Variants in LYRM9 observed in about 807,000 individuals in gnomAD.
LYRM9 encodes the protein LYR motif-containing protein 9.
Under a neutral mutation model 12.6 loss-of-function variants are expected in LYRM9, and 14 were observed. The observed-to-expected ratio is 1.11, with a 90% confidence interval of 0.73 to 1.73. LYRM9 has a LOEUF of 1.73. Among genes scored for constraint, LYRM9 ranks in the 40% most tolerant of loss-of-function variants. The pLI is 0.00. For missense variants in LYRM9, 94 were observed against 95.0 expected, an observed-to-expected ratio of 0.99 and a Z score of 0.04; for synonymous variants, 42 against 35.1, an observed-to-expected ratio of 1.20 and a Z score of -0.69.
At chr17:27,883,923 A>G (rs530133275) in intron 1 of LYRM9, among the ~76,000 whole-genome samples, 3 of 149,040 alleles carry the variant, frequency 2.0e-5, no homozygotes, top group South Asian at 2.2e-4. Flanking sequence ...CTTAAAGTAT[A>G]TAATTTGATA....
At chr17:27,885,931 G>A (rs12950716) in intron 1 of LYRM9, among the ~76,000 whole-genome samples, 14,206 of 151,926 alleles carry the variant, frequency 0.094, 890 homozygotes, top group Non-Finnish European at 0.15. Flanking sequence ...AGGCAGAGTC[G>A]GACAGGACAG....
At chr17:27,892,281 T>G in intron 1 of LYRM9, 2 of 390,682 alleles carry the variant, frequency 5.1e-6, no homozygotes, top group Non-Finnish European at 9.9e-6. Flanking sequence ...CCTTGCTGAC[T>G]GTAAGCTTCT....
At chr17:27,887,713 G>GGTGTGTGTGTGTGT (rs59760752) in intron 1 of LYRM9, among the ~76,000 whole-genome samples, 2 of 86,730 alleles carry the variant, frequency 2.3e-5, no homozygotes, top group Non-Finnish European at 6.4e-5. Flanking sequence ...TAGGAGGGAG[G>GGTGTGTGTGTGTGT]GTGTGTGTGT....
At chr17:27,889,046 C>T (rs992508702) in intron 1 of LYRM9, among the ~76,000 whole-genome samples, 3 of 152,142 alleles carry the variant, frequency 2.0e-5, no homozygotes, top group Non-Finnish European at 2.9e-5. Context: ...GAGGTGCTGT[C>T]GCCTCTCAAA....
chr17:27,882,631 G>A lies in LYRM9; in HGVS notation c.64C>T (p.Arg22Cys), dbSNP rs368485664. ...TTGGTCGGCAGCTGCTGGCAACAGC[G>A]CAGCAAGTATCGGTAGAGCTGCAGT... is the stretch of plus-strand genomic sequence containing the variant. ...RPLQLYRYLL[R>C]CCQQLPTKGI... The change falls in exon 2 of 4, where the codon CGC (arginine) becomes TGC (cysteine). Residue 22 changes from arginine to cysteine, a missense_variant. Coordinates refer to ENST00000379102, the MANE Select transcript of LYRM9 (RefSeq NM_001076680.3). 121 of 1,600,760 alleles carry A rather than the reference G, an allele frequency of 7.6e-5. No homozygotes were observed. Among genetic ancestry groups the A allele is most frequent in the South Asian group, 1.0e-4 (9 of 88,426 alleles).
At chr17:27,881,363 T>A (rs1307584592) in intron 2 of LYRM9, 1 of 148,084 alleles carries the variant, frequency 6.8e-6, no homozygotes, top group African/African-American at 2.5e-5. Flanking sequence ...TGGCATGCCC[T>A]CCTTGACTCC....
At chr17:27,885,367 G>A (rs1905199105) in intron 1 of LYRM9, among the ~76,000 whole-genome samples, 1 of 152,072 alleles carries the variant, frequency 6.6e-6, no homozygotes, top group South Asian at 2.1e-4. Context: ...TGAGACCATA[G>A]CCACATAGCA....
chr17:27,890,779 C>T lies in LYRM9; in HGVS notation c.-19+2538G>A, dbSNP rs183815438. Among the ~76,000 whole-genome samples, 60 of 152,302 alleles carry T rather than the reference C, an allele frequency of 3.9e-4. 1 individual carries two copies. The highest frequency in any genetic ancestry group is 5.4e-4 in the Non-Finnish European group (37 of 68,028). On this transcript the variant is annotated intron_variant, in intron 1 of 3. Transcript: ENST00000379102. Reference sequence around the variant, plus strand: ...ACACGCTAAATTAAGCCTGCACAGGCCATTTTTTAAATATGCAATTACTCT... The same window carrying T: ...ACACGCTAAATTAAGCCTGCACAGGTCATTTTTTAAATATGCAATTACTCT...
chr17:27,888,184 A>G (rs1328693268), intron 1 of LYRM9, among the ~76,000 whole-genome samples: 1 of 152,218 alleles, frequency 6.6e-6, no homozygotes, highest in Non-Finnish European at 1.5e-5. Flanking sequence ...TTCTGCCTAC[A>G]GTGCTCCTCT....
chr17:27,891,335 C>A (rs1905436849), intron 1 of LYRM9, among the ~76,000 whole-genome samples: 4 of 152,184 alleles, frequency 2.6e-5, no homozygotes, highest in Admixed American at 2.0e-4. Context: ...TTCTAGGACC[C>A]TGGACGAGTT....
chr17:27,882,430 G>C (rs1381013211), intron 2 of LYRM9, 139 bp downstream of exon 2: 1 of 1,215,194 alleles, frequency 8.2e-7, no homozygotes, highest in Non-Finnish European at 1.1e-6. Context: ...GCCCAGCACT[G>C]GTTTCCTGTG....
chr17:27,881,084 A>T (rs1001167294), intron 2 of LYRM9: 1 of 152,066 alleles, frequency 6.6e-6, no homozygotes, highest in Non-Finnish European at 1.5e-5. Context: ...CTAAAAATAC[A>T]AAGTTAGTCG....
intron 1 of LYRM9, chr17:27,883,085 G>A: frequency 4.3e-6 from 2 of 469,934 alleles, no homozygotes. Context: ...CCATGGTCTG[G>A]CGAGGGCACC....
At position 27,890,966 on chromosome 17, in the gene LYRM9, T is replaced by G. The variant is rs575335673; in HGVS notation, c.-19+2351A>C. On this transcript the variant is annotated intron_variant, in intron 1 of 3. Transcript: ENST00000379102. ...CTCCTACATAGCCAAGGCTCTAAAG[T>G]CCCCTCACCCCCTCCCTGCCCCCTT... Among the ~76,000 whole-genome samples, 7 of 148,664 alleles carry G rather than the reference T, an allele frequency of 4.7e-5. No homozygotes were observed. The South Asian group carries it at 1.5e-3, about 32-fold the overall frequency.
intron 1 of LYRM9, chr17:27,892,422 T>C (rs1229027648): frequency 8.8e-6 from 4 of 455,994 alleles, no homozygotes; most frequent in Non-Finnish European, 1.8e-5. Flanking sequence ...AGAAGTTCCA[T>C]AGATGTCAAT....
intron 3 of LYRM9, 200 bp downstream of exon 3, chr17:27,880,074 T>C: frequency 1.4e-6 from 1 of 702,006 alleles, no homozygotes; most frequent in Non-Finnish European, 2.6e-6. Context: ...TGAGAGCCCC[T>C]CCCCACTTGC....
chr17:27,886,653 ATTTTT>A lies in LYRM9; in HGVS notation c.-18-3946_-18-3942del. 7.1e-6 allele frequency among the ~76,000 whole-genome samples: 1 copy of A among 141,566 alleles called. No homozygotes were observed. The highest frequency in any genetic ancestry group is 3.6e-3 in the Middle Eastern group (1 of 278). 92.9% of individuals were successfully genotyped at this position (141,566 alleles called of 152,430 possible). A position where few individuals can be genotyped will look rare whatever the true frequency, so the allele number is the denominator to read the frequency against. On this transcript the variant is annotated intron_variant, in intron 1 of 3. Transcript: ENST00000379102. This position sits in a 1 kb window ranked among gnomAD's most constrained non-coding sequence, Gnocchi z 4.8. Reference sequence around the variant, plus strand: ...TTTCTTTCTTTTCTTTTCTTTTTTTATTTTTTTTTTTTTGAGACAGAGTTTCGCTC... The same window carrying A: ...TTTCTTTCTTTTCTTTTCTTTTTTTATTTTTTTTGAGACAGAGTTTCGCTC...
At chr17:27,880,029 C>T in intron 3 of LYRM9, 1 of 685,530 alleles carries the variant, frequency 1.5e-6, no homozygotes, top group Admixed American at 2.3e-5. Flanking sequence ...TCGATCAGCA[C>T]TGTTGGGCAG....
intron 3 of LYRM9, chr17:27,880,011 C>G (rs1904991125): frequency 4.6e-6 from 3 of 655,562 alleles, no homozygotes; most frequent in South Asian, 3.3e-5. Context: ...CTGCTGCCCC[C>G]TCTCAGCTCG....
Sources: allele counts gnomAD v4.1 joint callset (sites outside exome capture counted in the v4.1 genomes callset), GRCh38; gene constraint gnomAD v4.1.1; non-coding constraint Gnocchi (gnomAD v3.1); transcripts MANE v1.5; gene names NCBI Gene and HGNC (gene_info 2026-07-23, HGNC 2026-07-21).